Variants in QSOX1 observed in about 807,000 individuals in gnomAD.
QSOX1 encodes the protein sulfhydryl oxidase 1.
Under a neutral mutation model 76.1 loss-of-function variants are expected in QSOX1, and 40 were observed. The observed-to-expected ratio is 0.53, with a 90% CI of 0.41 to 0.68. The LOEUF (loss-of-function observed/expected upper bound fraction) is 0.68, where lower values mean the gene tolerates loss of function less well. Among genes scored for constraint, QSOX1 ranks in the 30% least tolerant of loss-of-function variants. The pLI is 0.00. For synonymous variants in QSOX1, 392 were observed against 413.1 expected (o/e 0.95, Z 0.62); for missense variants, 931 against 974.3 (o/e 0.96, Z 0.59).
chr1:180,182,956 G>A (rs1184006683), intron 6 of QSOX1, among the ~76,000 whole-genome samples: 1 of 152,138 alleles, frequency 6.6e-6, no homozygotes, highest in Non-Finnish European at 1.5e-5. Flanking sequence ...CCTCAGTGCC[G>A]ACCCACACGG....
chr1:180,166,685 AT>A, intron 2 of QSOX1, 94 bp downstream of exon 2: 1 of 1,236,934 alleles, frequency 8.1e-7, no homozygotes, highest in Non-Finnish European at 1.2e-6. Context: ...GGATGGGCAG[AT>A]TTCAGCTGCT....
At chr1:180,183,796 C>T in intron 6 of QSOX1, 120 bp from the exon 7 acceptor site, 6 of 1,171,422 alleles carry the variant, frequency 5.1e-6, no homozygotes, top group Non-Finnish European at 7.2e-6. Flanking sequence ...GAATCTCGTT[C>T]ACATATTTAA....
chr1:180,176,882 G>T (rs1412600541), intron 4 of QSOX1, among the ~76,000 whole-genome samples: 2 of 152,228 alleles, frequency 1.3e-5, no homozygotes, highest in Non-Finnish European at 2.9e-5. Context: ...TTAAAAGTTT[G>T]TGTGCAGGTG....
At position 180,197,005 on chromosome 1, in the gene QSOX1, C is replaced by G. The variant is rs1191026986; in HGVS notation, c.2212C>G (p.Leu738Val). 13 of 1,612,004 alleles carry G rather than the reference C, an allele frequency of 8.1e-6. No individual in the cohort carries two copies. Among genetic ancestry groups the G allele is most frequent in the Non-Finnish European group, 9.3e-6 (11 of 1,179,032 alleles). The change falls in exon 12 of 12, where the codon CTG becomes GTG. Residue 738 changes from leucine (L) to valine (V), a missense_variant. Coordinates refer to ENST00000367602, the MANE Select transcript of QSOX1 (RefSeq NM_002826.5). ...CTACTTCCAGGCCAAGATAAGGGCC[C>G]TGAAGGGCCATGCTGGCCACCCTGC... Reference protein sequence around the residue: ...YTYFQAKIRALKGHAGHPAA With the variant: ...YTYFQAKIRAVKGHAGHPAA
At chr1:180,168,371 C>T (rs1161696614) in intron 2 of QSOX1, among the ~76,000 whole-genome samples, 1 of 152,274 alleles carries the variant, frequency 6.6e-6, no homozygotes, top group Admixed American at 6.5e-5. Flanking sequence ...CACAGACCAA[C>T]ACGGTGGCCT....
chr1:180,163,203 A>G (rs1301137532), intron 1 of QSOX1, among the ~76,000 whole-genome samples: 1 of 151,786 alleles, frequency 6.6e-6, no homozygotes, highest in African/African-American at 2.4e-5. Context: ...TCTCTTCACA[A>G]CTTCCTTGTA....
intron 5 of QSOX1, among the ~76,000 whole-genome samples, chr1:180,179,333 G>A (rs958535675): frequency 5.3e-5 from 8 of 152,190 alleles, no homozygotes; most frequent in Non-Finnish European, 8.8e-5. Context: ...GAACATTAGC[G>A]ACGCCCTAGC....
intron 11 of QSOX1, among the ~76,000 whole-genome samples, chr1:180,195,212 C>G (rs906380537): frequency 1.3e-5 from 2 of 152,182 alleles, no homozygotes; most frequent in African/African-American, 4.8e-5. Context: ...CCAGCTGCTG[C>G]TGGAGGGCCA....
intron 1 of QSOX1, among the ~76,000 whole-genome samples, chr1:180,157,554 G>T (rs1294955342): frequency 1.3e-5 from 2 of 152,166 alleles, no homozygotes; most frequent in African/African-American, 2.4e-5. Context: ...GGAGAGAGAA[G>T]AATTTTGCAG....
intron 9 of QSOX1, among the ~76,000 whole-genome samples, 160 bp downstream of exon 9, chr1:180,189,834 C>T (rs1663265637): frequency 6.6e-6 from 1 of 152,162 alleles, no homozygotes; most frequent in African/African-American, 2.4e-5. Context: ...ATTGATTGAG[C>T]TCTCTATGCG....
chr1:180,181,914 G>C (rs895624193), intron 5 of QSOX1, among the ~76,000 whole-genome samples: 2 of 152,232 alleles, frequency 1.3e-5, no homozygotes, highest in East Asian at 3.8e-4. Flanking sequence ...TGGGACTGTC[G>C]TAAGAAATTA....
In QSOX1 at chr1:180,197,065, A is replaced by G; in HGVS notation, c.*28A>G. ...CACCTGGGGAGGAGGCGGGAGAGGG[A>G]GCTGCCATCTCTAGGCACCTCAAGC... On this transcript the variant is annotated 3_prime_UTR_variant, in exon 12 of 12. Coordinates refer to ENST00000367602, the MANE Select transcript of QSOX1 (RefSeq NM_002826.5). The G allele has an allele frequency of 1.3e-6, 2 of 1,581,090 alleles. No homozygotes were observed. The highest frequency in any genetic ancestry group is 1.7e-6 in the Non-Finnish European group (2 of 1,164,126).
chr1:180,172,795 C>T (rs566541942), intron 2 of QSOX1, among the ~76,000 whole-genome samples: 10 of 151,944 alleles, frequency 6.6e-5, no homozygotes, highest in African/African-American at 2.4e-4. Context: ...CTGGGATTAC[C>T]GGCATGAGCC....
rs1368376810 is a variant in QSOX1 at position 180,199,128 on chromosome 1, CTT to C, written c.*2094_*2095del. Reference sequence around the variant, plus strand: ...ACAGCTGCCTCTGGCAGCCAAGCCTCTTTTCGCCCGGCCCCAGCCCCTCTGGT... The same window carrying C: ...ACAGCTGCCTCTGGCAGCCAAGCCTCTTCGCCCGGCCCCAGCCCCTCTGGT... On this transcript the variant is annotated 3_prime_UTR_variant, in exon 12 of 12. Coordinates refer to ENST00000367602, the MANE Select transcript of QSOX1 (RefSeq NM_002826.5). 6.6e-6 allele frequency: 1 copy of C among 152,404 alleles called. No individual in the cohort carries two copies. Among genetic ancestry groups the C allele is most frequent in the Non-Finnish European group, 1.5e-5 (1 of 68,180 alleles). The allele number at this position is 152,404 out of a possible 1,614,324, so 9.4% of individuals were successfully genotyped here. A position where few individuals can be genotyped will look rare whatever the true frequency, so the allele number is the denominator to read the frequency against.
At chr1:180,187,008 G>A (rs1209711527) in intron 8 of QSOX1, among the ~76,000 whole-genome samples, 2 of 152,222 alleles carry the variant, frequency 1.3e-5, no homozygotes, top group Admixed American at 1.3e-4. Flanking sequence ...TGGGCGCTTC[G>A]GGTTTGGCCG....
rs776668054 is a variant in QSOX1 at position 180,194,383 on chromosome 1, C to T, written c.1459C>T (p.Arg487Cys). The stretch of plus-strand genomic sequence containing the variant: ...GTCTAGCCACAACAGGGTCAATGCT[C>T]GCCTTGCAGGTAAGGAAGGACCATC... ...LWSSHNRVNA[R>C]LAGAPSEDPQ... Residue 487 changes from arginine to cysteine, a missense_variant, in exon 11 of 12, where the codon CGC (arginine) becomes TGC (cysteine). Arg to Cys is a radical substitution (Grantham distance 180, BLOSUM62 -3). Transcript: ENST00000367602. 16 of 1,548,754 alleles carry T rather than the reference C, an allele frequency of 1.0e-5. No homozygotes were observed. Among genetic ancestry groups the T allele is most frequent in the Admixed American group, 3.6e-5 (2 of 55,498 alleles).
intron 1 of QSOX1, 23 bp from the exon 2 acceptor site, chr1:180,166,468 C>A: frequency 1.2e-6 from 2 of 1,603,784 alleles, no homozygotes; most frequent in South Asian, 1.1e-5. Context: ...TCTTATTTAC[C>A]CCTGGGTTTT....
intron 2 of QSOX1, among the ~76,000 whole-genome samples, chr1:180,170,646 C>A (rs977839254): frequency 1.3e-5 from 2 of 152,218 alleles, no homozygotes; most frequent in Non-Finnish European, 2.9e-5. Context: ...AAGCAACACA[C>A]TCCCAGAGTC....
Position 180,154,957 on chromosome 1 carries a change from TGCTGCTGTG to T in QSOX1, c.57_65del (p.Trp20_Leu22del). On this transcript the variant is annotated inframe_deletion, in exon 1 of 12. Coordinates refer to ENST00000367602, the MANE Select transcript of QSOX1 (RefSeq NM_002826.5). ...GGGCCGCCGCCGTCGCTGCTGCTGC[TGCTGCTGTG>T]GCTGCTCGCGGTTCCCGGCGCTAAC... 1 of 1,500,152 alleles carries T rather than the reference TGCTGCTGTG, an allele frequency of 6.7e-7. No individual in the cohort carries two copies. Among genetic ancestry groups the T allele is most frequent in the Non-Finnish European group, 8.8e-7 (1 of 1,132,538 alleles). 92.9% of individuals were successfully genotyped at this position (1,500,152 alleles called of 1,614,324 possible). A position where few individuals can be genotyped will look rare whatever the true frequency, so the allele number is the denominator to read the frequency against.
Sources: allele counts gnomAD v4.1 joint callset (sites outside exome capture counted in the v4.1 genomes callset), GRCh38; gene constraint gnomAD v4.1.1; transcripts MANE v1.5; gene names NCBI Gene and HGNC (gene_info 2026-07-23, HGNC 2026-07-21).